MAEA: variants seen among roughly 807,000 people sequenced by gnomAD.
MAEA encodes macrophage erythroblast attacher, E3 ubiquitin ligase.
MAEA carries 22 observed loss-of-function variants against 46.2 expected under a neutral mutation model. That is an observed-to-expected ratio of 0.48 (90% CI 0.34 to 0.68). MAEA has a LOEUF of 0.68. Ranked by LOEUF, MAEA falls within the 30% of genes least tolerant of loss-of-function variation. The pLI, the probability that MAEA is intolerant of heterozygous loss-of-function variation, is 0.01. For synonymous variants in MAEA, 246 were observed against 222.6 expected, an observed-to-expected ratio of 1.11 and a Z score of -0.94; for missense variants, 393 against 558.1, an observed-to-expected ratio of 0.70 and a Z score of 2.98.
intron 5 of MAEA, chr4:1,332,308 C>T (rs986607877): frequency 6.3e-6 from 1 of 157,534 alleles, no homozygotes; most frequent in South Asian, 1.6e-4. Flanking sequence ...CCTCCAGCCT[C>T]TGGTGAGCCG....
rs1712339129 is a variant in MAEA at position 1,334,055 on chromosome 4, CACCCACCCCCAT to C, written c.765+1191_765+1202del. ...CATGCCCACCATGTGCTCACCCCTG[CACCCACCCCCAT>C]GCCCGTGTGCTCACCCCTGCACCCA... On this transcript the variant is annotated intron_variant, in intron 6 of 8. Transcript: ENST00000303400. 3.0e-4 allele frequency among the ~76,000 whole-genome samples: 6 copies of C among 19,856 alleles called. 1 individual carries two copies. Among genetic ancestry groups the C allele is most frequent in the African/African-American group, 1.8e-3 (5 of 2,730 alleles). 13.0% of individuals were successfully genotyped at this position (19,856 alleles called of 152,430 possible). A position where few individuals can be genotyped will look rare whatever the true frequency, so the allele number is the denominator to read the frequency against.
At chr4:1,316,822 C>T (rs1259582828) in intron 3 of MAEA, among the ~76,000 whole-genome samples, 1 of 152,078 alleles carries the variant, frequency 6.6e-6, no homozygotes, top group Non-Finnish European at 1.5e-5. Flanking sequence ...ACACTCACGC[C>T]CCCATGCAGC....
At chr4:1,316,151 G>A (rs899016991) in intron 3 of MAEA, among the ~76,000 whole-genome samples, 2 of 152,106 alleles carry the variant, frequency 1.3e-5, no homozygotes, top group African/African-American at 4.8e-5. Flanking sequence ...TGAGAGCTTT[G>A]CCTTTATCTC....
intron 4 of MAEA, among the ~76,000 whole-genome samples, chr4:1,327,157 G>A (rs905667466): frequency 6.6e-6 from 1 of 152,250 alleles, no homozygotes; most frequent in Non-Finnish European, 1.5e-5. Flanking sequence ...GAACAGCCCC[G>A]GGTTCAAGCC....
intron 1 of MAEA, among the ~76,000 whole-genome samples, chr4:1,304,610 T>G (rs1735658507): frequency 6.6e-6 from 1 of 152,030 alleles, no homozygotes; most frequent in Non-Finnish European, 1.5e-5. Flanking sequence ...CTGGCTAATT[T>G]TTTTGTATTT....
rs775933062 is a variant in MAEA at position 1,339,012 on chromosome 4, A to G, written c.1096-62A>G. On this transcript the variant is annotated intron_variant, in intron 8 of 8. Transcript: ENST00000303400. ...TGGTGGTTCATTGTGGGGATTTTCCATGGAAATCCGTGTGTACGTTGTAGT... is the reference window on the plus strand; with the variant it reads ...TGGTGGTTCATTGTGGGGATTTTCCGTGGAAATCCGTGTGTACGTTGTAGT... The G allele has an allele frequency of 3.1e-4, 411 of 1,338,106 alleles. 1 individual carries two copies. Among genetic ancestry groups the G allele is most frequent in the Non-Finnish European group, 4.1e-4 (380 of 930,468 alleles). 82.9% of individuals were successfully genotyped at this position (1,338,106 alleles called of 1,614,324 possible). A position where few individuals can be genotyped will look rare whatever the true frequency, so the allele number is the denominator to read the frequency against.
At chr4:1,302,670 C>T (rs1421251893) in intron 1 of MAEA, among the ~76,000 whole-genome samples, 2 of 152,064 alleles carry the variant, frequency 1.3e-5, no homozygotes, top group South Asian at 2.1e-4. Context: ...TTAGTAGAGA[C>T]GGGGTTTCAC....
At chr4:1,327,833 C>T in intron 5 of MAEA, 130 bp downstream of exon 5, 1 of 689,048 alleles carries the variant, frequency 1.5e-6, no homozygotes, top group South Asian at 1.7e-5. Flanking sequence ...TGAGTCTGAC[C>T]CCTGCCTGCT....
At chr4:1,310,103 G>A in intron 1 of MAEA, 2 of 841,824 alleles carry the variant, frequency 2.4e-6, no homozygotes, top group Non-Finnish European at 2.9e-6. Context: ...TGAGGCGCCT[G>A]CACAGGCAGA....
intron 3 of MAEA, among the ~76,000 whole-genome samples, chr4:1,320,863 G>A (rs1737996370): frequency 6.6e-6 from 1 of 152,034 alleles, no homozygotes; most frequent in Non-Finnish European, 1.5e-5. Flanking sequence ...CACTCTGGGA[G>A]GCCAAGGTGG....
intron 3 of MAEA, among the ~76,000 whole-genome samples, chr4:1,318,516 G>A (rs749567016): frequency 2.0e-5 from 3 of 152,234 alleles, no homozygotes; most frequent in Non-Finnish European, 4.4e-5. Flanking sequence ...GTCCAAAAGA[G>A]GGCCTGGAGC....
intron 5 of MAEA, chr4:1,330,416 C>G (rs1168738225): frequency 6.6e-6 from 1 of 152,180 alleles, no homozygotes; most frequent in African/African-American, 2.4e-5. Context: ...CTCCCGGGTT[C>G]AAGTGATTGT....
intron 5 of MAEA, chr4:1,331,266 C>T (rs1711764708): frequency 6.6e-6 from 1 of 151,450 alleles, no homozygotes; most frequent in South Asian, 2.1e-4. Flanking sequence ...GGACTCACCC[C>T]CGACTCCCAG....
chr4:1,300,562 T>C (rs926120670), intron 1 of MAEA, among the ~76,000 whole-genome samples: 4 of 152,260 alleles, frequency 2.6e-5, no homozygotes, highest in Non-Finnish European at 4.4e-5. Flanking sequence ...CTGGACCGCG[T>C]GGGGCACGGC....
intron 3 of MAEA, among the ~76,000 whole-genome samples, chr4:1,319,739 C>CAA (rs879445582): frequency 2.0e-4 from 14 of 71,294 alleles, no homozygotes; most frequent in East Asian, 4.1e-4. Context: ...GACCCTGTCT[C>CAA]AAAAAAAAAA....
chr4:1,337,170 G>T, intron 7 of MAEA, 176 bp downstream of exon 7: 1 of 703,444 alleles, frequency 1.4e-6, no homozygotes, highest in South Asian at 1.9e-5. Context: ...GTGTTGAGGG[G>T]CCTCGGATGC....
chr4:1,321,644 G>A (rs771186884), intron 3 of MAEA, among the ~76,000 whole-genome samples: 29 of 152,164 alleles, frequency 1.9e-4, no homozygotes, highest in Non-Finnish European at 3.4e-4. Context: ...ATGTGCAGGC[G>A]GAGGTGCCGT....
intron 3 of MAEA, among the ~76,000 whole-genome samples, chr4:1,318,071 G>T (rs536272742): frequency 9.2e-5 from 14 of 152,314 alleles, no homozygotes; most frequent in African/African-American, 3.4e-4. Flanking sequence ...TGTCCCACAT[G>T]CCTTTCCCAC....
At chr4:1,309,430 G>C in intron 1 of MAEA, 2 of 1,273,412 alleles carry the variant, frequency 1.6e-6, no homozygotes, top group Non-Finnish European at 2.0e-6. Flanking sequence ...AGGAGGCGGT[G>C]CTTTCCGGGG....
Sources: gnomAD v4.1 joint callset for allele counts (sites outside exome capture counted in the v4.1 genomes callset) on GRCh38, gnomAD v4.1.1 for gene constraint, MANE v1.5 for transcripts, NCBI Gene and HGNC (gene_info 2026-07-23, HGNC 2026-07-21) for gene names.